Variants in LIPA observed in about 807,000 individuals in gnomAD.
The protein encoded by LIPA is lipase A, lysosomal acid type.
In LIPA, 26 loss-of-function variants were observed where a neutral mutation model predicts 40.6. The ratio of observed to expected loss-of-function variants is 0.64; its 90% CI spans 0.47 to 0.89. LIPA has a LOEUF of 0.89. Among genes scored for constraint, LIPA ranks in the 40% least tolerant of loss-of-function variants. The pLI is 0.00. For missense variants in LIPA, 455 were observed against 479.6 expected, an observed-to-expected ratio of 0.95 and a Z score of 0.48; for synonymous variants, 188 against 168.4, an observed-to-expected ratio of 1.12 and a Z score of -0.90.
chr10:89,239,152 TAG>T (rs1294736812), intron 3 of LIPA, among the ~76,000 whole-genome samples: 2 of 152,168 alleles, frequency 1.3e-5, no homozygotes, highest in South Asian at 2.1e-4. Flanking sequence ...GTTGCTGTAG[TAG>T]GCACAAGCAG....
At chr10:89,242,833 C>A (rs1842979107) in intron 3 of LIPA, among the ~76,000 whole-genome samples, 1 of 152,124 alleles carries the variant, frequency 6.6e-6, no homozygotes, top group Non-Finnish European at 1.5e-5. Flanking sequence ...TGTTAGTATA[C>A]GAGGAGCCTT....
At chr10:89,222,201 G>C (rs1842708337) in intron 8 of LIPA, among the ~76,000 whole-genome samples, 2 of 152,190 alleles carry the variant, frequency 1.3e-5, no homozygotes, top group South Asian at 2.1e-4. Context: ...GAGGAAACAG[G>C]AGGAGGAAAA....
intron 2 of LIPA, among the ~76,000 whole-genome samples, chr10:89,376,492 A>T (rs1844122735): frequency 6.6e-6 from 1 of 152,228 alleles, no homozygotes; most frequent in Admixed American, 6.5e-5. Context: ...TAGAAAGGTC[A>T]GGAGCAGTAA....
intron 2 of LIPA, chr10:89,383,863 A>C (rs1844182449): frequency 6.2e-7 from 1 of 1,614,188 alleles, no homozygotes; most frequent in African/African-American, 1.3e-5. Flanking sequence ...GTACGCAATC[A>C]CCGTCTATCG....
intron 1 of LIPA, among the ~76,000 whole-genome samples, chr10:89,259,257 A>T (rs1276573780): frequency 1.3e-5 from 2 of 152,246 alleles, no homozygotes; most frequent in Admixed American, 6.5e-5. Flanking sequence ...AAACCCGATC[A>T]AAAATGAGCA....
At chr10:89,414,526 C>T in exon 1 of LIPA, 1 of 431,476 alleles carries the variant, frequency 2.3e-6, no homozygotes, top group Non-Finnish European at 4.1e-6. Context: ...TATTAAGTTT[C>T]GGTTTCTGAA....
At chr10:89,244,481 G>C (rs546904435) in intron 3 of LIPA, among the ~76,000 whole-genome samples, 1 of 152,168 alleles carries the variant, frequency 6.6e-6, no homozygotes, top group Non-Finnish European at 1.5e-5. Context: ...AAATGTTAGA[G>C]AATAAGCTAC....
chr10:89,236,297 T>C (rs1246284984), intron 3 of LIPA, among the ~76,000 whole-genome samples: 1 of 152,264 alleles, frequency 6.6e-6, no homozygotes, highest in East Asian at 1.9e-4. Flanking sequence ...GTTTATTGTG[T>C]ACTACTGTAA....
chr10:89,392,854 A>G, intron 2 of LIPA: 2 of 868,272 alleles, frequency 2.3e-6, no homozygotes. Flanking sequence ...TTATGGACTG[A>G]ATGTGTGCAT....
chr10:89,413,387 G>C (rs1181039951), intron 1 of LIPA, among the ~76,000 whole-genome samples: 1 of 152,168 alleles, frequency 6.6e-6, no homozygotes, highest in African/African-American at 2.4e-5. Flanking sequence ...TAAGTTTTGA[G>C]GGGTGGGGTG....
chr10:89,342,639 A>T (rs151039079), exon 1 of LIPA: 17 of 152,368 alleles, frequency 1.1e-4, no homozygotes, highest in African/African-American at 3.8e-4. Context: ...AGTGAATTGC[A>T]TGCTGCAGCC....
chr10:89,341,535 T>C (rs543927371), intron 1 of LIPA, among the ~76,000 whole-genome samples: 9 of 152,364 alleles, frequency 5.9e-5, no homozygotes, highest in Middle Eastern at 3.4e-3. Flanking sequence ...GGTAAAAGTA[T>C]ATAAATGTAT....
chr10:89,302,475 AC>A (rs1286017099), intron 1 of LIPA, among the ~76,000 whole-genome samples: 6 of 152,058 alleles, frequency 3.9e-5, no homozygotes, highest in Non-Finnish European at 8.8e-5. Flanking sequence ...TTGTGCACTG[AC>A]CCTGTCTTAT....
upstream of LIPA, among the ~76,000 whole-genome samples, chr10:89,252,596 A>G (rs1843143491): frequency 6.6e-6 from 1 of 152,154 alleles, no homozygotes; most frequent in South Asian, 2.1e-4. Context: ...TCACCTGAGG[A>G]CAGGAGTTCA....
intron 2 of LIPA, among the ~76,000 whole-genome samples, chr10:89,362,068 T>A (rs1844025807): frequency 6.6e-6 from 1 of 151,362 alleles, no homozygotes; most frequent in Admixed American, 6.6e-5. Flanking sequence ...CCCAGATAAA[T>A]TTTTTTTGCA....
At chr10:89,338,678 C>T (rs1262633382) in intron 1 of LIPA, 9 of 1,612,250 alleles carry the variant, frequency 5.6e-6, no homozygotes, top group Non-Finnish European at 5.9e-6. Flanking sequence ...ACCAAGAATT[C>T]CCTGGAGAAA....
At chr10:89,289,929 T>C (rs2042707790) in intron 1 of LIPA, among the ~76,000 whole-genome samples, 2 of 150,892 alleles carry the variant, frequency 1.3e-5, no homozygotes, top group Non-Finnish European at 2.9e-5. Context: ...TAACAAACAA[T>C]TGCTGGCTTT....
chr10:89,254,138 T>C (rs1436335093), upstream of LIPA, among the ~76,000 whole-genome samples: 1 of 152,240 alleles, frequency 6.6e-6, no homozygotes, highest in African/African-American at 2.4e-5. Context: ...CACTAGGCAG[T>C]GCCCCATTGG....
intron 2 of LIPA, among the ~76,000 whole-genome samples, chr10:89,381,718 C>T (rs572037035): frequency 6.6e-6 from 1 of 152,114 alleles, no homozygotes; most frequent in Non-Finnish European, 1.5e-5. Context: ...CTCTGCCCAA[C>T]TTTGTGGTGC....
Sources: allele counts gnomAD v4.1 joint callset (sites outside exome capture counted in the v4.1 genomes callset), GRCh38; gene constraint gnomAD v4.1.1; transcripts MANE v1.5; gene names NCBI Gene and HGNC (gene_info 2026-07-23, HGNC 2026-07-21).